GRB14: variants seen among roughly 807,000 people sequenced by gnomAD.
GRB14 encodes the protein growth factor receptor-bound protein 14.
GRB14 carries 38 observed loss-of-function variants against 69.1 expected under a neutral mutation model. That is an observed-to-expected ratio of 0.55 (90% CI 0.42 to 0.72). The LOEUF (loss-of-function observed/expected upper bound fraction) is 0.72, where lower values mean the gene tolerates loss of function less well. Among genes scored for constraint, GRB14 ranks in the 30% least tolerant of loss-of-function variants. The pLI is 0.00. For synonymous variants in GRB14, 247 were observed against 241.3 expected (o/e 1.02, Z -0.22); for missense variants, 666 against 666.1 (o/e 1.00, Z 0.00).
chr2:164,613,340 C>A (rs1163631563), intron 2 of GRB14, among the ~76,000 whole-genome samples: 1 of 152,098 alleles, frequency 6.6e-6, no homozygotes, highest in Non-Finnish European at 1.5e-5. Flanking sequence ...ACCTACTAAA[C>A]CTGTACCTCT....
rs1687075497 is a variant in GRB14, at chr2:164,502,258, AGGTG to A, written c.1097_1100del (p.Ser366LeufsTer2). 6.3e-7 allele frequency: 1 copy of A among 1,580,120 alleles called. No homozygotes were observed. The highest frequency in any genetic ancestry group is 8.7e-7 in the Non-Finnish European group (1 of 1,150,866). On this transcript the variant is annotated frameshift_variant, in exon 9 of 14. Coordinates refer to ENST00000263915, the MANE Select transcript of GRB14 (RefSeq NM_004490.3). LOFTEE classifies it high-confidence loss of function. ...GGCTCAAAAATTTGGTCCTTACCATAGGTGATATGCTCTGTGAACTGCAGCCACT... is the reference window on the plus strand; with the variant it reads ...GGCTCAAAAATTTGGTCCTTACCATAATATGCTCTGTGAACTGCAGCCACT...
At chr2:164,519,919 T>C (rs1284102554) in intron 6 of GRB14, among the ~76,000 whole-genome samples, 1 of 151,986 alleles carries the variant, frequency 6.6e-6, no homozygotes, top group African/African-American at 2.4e-5. Flanking sequence ...AATCAATATT[T>C]TGAAAATGAC....
chr2:164,572,193 T>C (rs905896890), intron 2 of GRB14, among the ~76,000 whole-genome samples: 1 of 152,204 alleles, frequency 6.6e-6, no homozygotes, highest in African/African-American at 2.4e-5. Flanking sequence ...GTTTTTATTA[T>C]TGAAAGTAAT....
intron 6 of GRB14, among the ~76,000 whole-genome samples, chr2:164,519,952 A>G (rs763631123): frequency 3.3e-5 from 5 of 152,120 alleles, no homozygotes; most frequent in Non-Finnish European, 7.4e-5. Context: ...AGCAATCTAG[A>G]AATTCAATGC....
intron 9 of GRB14, among the ~76,000 whole-genome samples, chr2:164,501,217 A>T (rs771439077): frequency 6.6e-6 from 1 of 152,090 alleles, no homozygotes; most frequent in African/African-American, 2.4e-5. Flanking sequence ...TTATTCTTCC[A>T]TAAGTTAAAG....
chr2:164,513,114 T>G (rs1687382347), intron 6 of GRB14, among the ~76,000 whole-genome samples: 1 of 152,128 alleles, frequency 6.6e-6, no homozygotes, highest in African/African-American at 2.4e-5. Flanking sequence ...TCTTTCTCTT[T>G]CCTTCCCACT....
chr2:164,545,609 T>C (rs1211176657), intron 3 of GRB14, among the ~76,000 whole-genome samples: 2 of 152,316 alleles, frequency 1.3e-5, no homozygotes, highest in Admixed American at 1.3e-4. Flanking sequence ...TTCAGTCTTC[T>C]GGCCTCCAAA....
chr2:164,526,485 C>G (rs1574272245), intron 4 of GRB14, among the ~76,000 whole-genome samples: 1 of 151,928 alleles, frequency 6.6e-6, no homozygotes, highest in East Asian at 1.9e-4. Flanking sequence ...AAAATTACTG[C>G]ACCGAAAACA....
At chr2:164,536,558 C>T (rs1202449490) in intron 3 of GRB14, among the ~76,000 whole-genome samples, 1 of 152,108 alleles carries the variant, frequency 6.6e-6, no homozygotes, top group Non-Finnish European at 1.5e-5. Context: ...CCTTTCTTGT[C>T]GTTTTCTCTT....
At chr2:164,525,256 C>T (rs1229357465) in intron 4 of GRB14, among the ~76,000 whole-genome samples, 178 bp from the exon 5 acceptor site, 3 of 152,076 alleles carry the variant, frequency 2.0e-5, no homozygotes, top group Non-Finnish European at 4.4e-5. Context: ...ATGAGAATGT[C>T]TGGAGTTGGG....
intron 3 of GRB14, among the ~76,000 whole-genome samples, chr2:164,536,936 C>CT (rs1688094714): frequency 6.6e-6 from 1 of 152,172 alleles, no homozygotes; most frequent in East Asian, 1.9e-4. Context: ...TTAGTGCCTC[C>CT]TGCAGCTCTC....
intron 2 of GRB14, among the ~76,000 whole-genome samples, chr2:164,598,676 A>C (rs150605882): frequency 6.6e-6 from 1 of 152,260 alleles, no homozygotes; most frequent in East Asian, 1.9e-4. Flanking sequence ...AAATTCAACG[A>C]TCTTACAGGA....
At chr2:164,515,960 A>G (rs1012355877) in intron 6 of GRB14, among the ~76,000 whole-genome samples, 11 of 152,140 alleles carry the variant, frequency 7.2e-5, no homozygotes, top group African/African-American at 2.4e-4. Context: ...TCAAACAAGT[A>G]GAAGAAAGGA....
chr2:164,512,593 T>G (rs2105271538), intron 6 of GRB14, among the ~76,000 whole-genome samples: 1 of 152,310 alleles, frequency 6.6e-6, no homozygotes, highest in East Asian at 1.9e-4. Flanking sequence ...ACGTGCTGAC[T>G]GTAGAGACCC....
rs1367164148 is a variant in GRB14, at chr2:164,568,295, A to T, written c.325-20479T>A. ...GCAGCAAGAAAAATTAAAGAAAAAA[A>T]GGATAAAGAAGTCACATACCCTTTT... On this transcript the variant is annotated intron_variant, in intron 2 of 13. Transcript: ENST00000263915. The T allele has an allele frequency of 2.4e-6, 3 of 1,272,432 alleles. No individual in the cohort carries two copies. The East Asian group carries it at 1.7e-4, about 71-fold the overall frequency. 78.8% of individuals were successfully genotyped at this position (1,272,432 alleles called of 1,614,324 possible).
intron 2 of GRB14, among the ~76,000 whole-genome samples, chr2:164,592,672 AAAG>A (rs1281536523): frequency 6.6e-6 from 1 of 152,224 alleles, no homozygotes; most frequent in Non-Finnish European, 1.5e-5. Context: ...TAAAAAACTG[AAAG>A]AAGAGAATCA....
intron 6 of GRB14, 136 bp from the exon 7 acceptor site, chr2:164,508,988 G>GA (rs1305883711): frequency 2.7e-5 from 12 of 442,382 alleles, no homozygotes; most frequent in Admixed American, 1.3e-4. Flanking sequence ...AATAAAAGGA[G>GA]AAAAAAAATC....
intron 2 of GRB14, chr2:164,574,097 TC>T: frequency 1.3e-6 from 1 of 778,454 alleles, no homozygotes; most frequent in Non-Finnish European, 2.2e-6. Flanking sequence ...TACCAGCTCA[TC>T]ATACTCTACT....
intron 12 of GRB14, 21 bp downstream of exon 12, chr2:164,496,987 A>T: frequency 1.9e-6 from 3 of 1,592,500 alleles, no homozygotes; most frequent in Non-Finnish European, 2.6e-6. Context: ...AAGTACTCAA[A>T]ATTAAAAATA....
Sources: gnomAD v4.1 joint callset for allele counts (sites outside exome capture counted in the v4.1 genomes callset) on GRCh38, gnomAD v4.1.1 for gene constraint, MANE v1.5 for transcripts, NCBI Gene and HGNC (gene_info 2026-07-23, HGNC 2026-07-21) for gene names.